Variants in ADGRE3 observed in about 807,000 individuals in gnomAD.
ADGRE3 encodes the protein EGF-like module receptor 3.
A neutral mutation model predicts 80.1 loss-of-function variants in ADGRE3; 88 were observed. The observed-to-expected ratio is 1.10, with a 90% CI of 0.93 to 1.31. ADGRE3 has a LOEUF of 1.31. ADGRE3 is among the 40% of genes most tolerant of loss of function. ADGRE3 has a pLI of 0.00. For synonymous variants in ADGRE3, 281 were observed against 294.8 expected, an observed-to-expected ratio of 0.95 and a Z score of 0.48; for missense variants, 715 against 776.5, an observed-to-expected ratio of 0.92 and a Z score of 0.94.
At chr19:14,646,558 T>TC in intron 8 of ADGRE3, among the ~76,000 whole-genome samples, 1 of 151,416 alleles carries the variant, frequency 6.6e-6, no homozygotes, top group East Asian at 1.9e-4. Flanking sequence ...TTTTTTTTTT[T>TC]TTTTTGCATT....
intron 15 of ADGRE3, among the ~76,000 whole-genome samples, chr19:14,620,568 ATTTTTTT>A (rs1189295641): frequency 0.069 from 758 of 11,006 alleles, 130 homozygotes; most frequent in Non-Finnish European, 0.087. Context: ...ATATATATAT[ATTTTTTT>A]TTTTTTTTTT....
rs373674713 is a variant in ADGRE3 at position 14,621,456 on chromosome 19, GA to G, written c.1921-1986del. On this transcript the variant is annotated intron_variant, in intron 15 of 15. Transcript: ENST00000253673. The stretch of plus-strand genomic sequence containing the variant: ...GGTGATAGAGTGAGACTCTGTCTCA[GA>G]AAAAAAAAAAAGTGAAAAGAAAAGA... Among the ~76,000 whole-genome samples the G allele has an allele frequency of 4.6e-3, 639 of 138,980 alleles. 8 individuals carry two copies. Among genetic ancestry groups the G allele is most frequent in the African/African-American group, 0.016 (586 of 37,182 alleles). 91.2% of individuals were successfully genotyped at this position (138,980 alleles called of 152,430 possible). A position where few individuals can be genotyped will look rare whatever the true frequency, so the allele number is the denominator to read the frequency against.
intron 7 of ADGRE3, 47 bp from the exon 8 acceptor site, chr19:14,647,412 T>A: frequency 9.9e-5 from 28 of 283,520 alleles, no homozygotes; most frequent in Non-Finnish European, 1.3e-4. Context: ...TTTTCTTTCT[T>A]TTTTTTTTTT....
intron 2 of ADGRE3, among the ~76,000 whole-genome samples, chr19:14,667,770 T>C (rs1972144211): frequency 6.6e-6 from 1 of 152,208 alleles, no homozygotes; most frequent in African/African-American, 2.4e-5. Flanking sequence ...ATGGCACATG[T>C]ATACCTATGT....
the ADGRE3 span, among the ~76,000 whole-genome samples, chr19:14,607,849 T>C: frequency 6.6e-6 from 1 of 151,112 alleles, no homozygotes; most frequent in Non-Finnish European, 1.5e-5. Context: ...GTGTTGGGAT[T>C]ACAGGGGTGA....
Position 14,620,548 on chromosome 19 carries a change from T to TATAATATATATA in ADGRE3, c.1921-1078_1921-1077insTATATATATTAT. 4.2e-3 allele frequency among the ~76,000 whole-genome samples: 104 copies of TATAATATATATA among 24,914 alleles called. 1 individual carries two copies. Among genetic ancestry groups the TATAATATATATA allele is most frequent in the South Asian group, 5.0e-3 (3 of 604 alleles). The allele number at this position is 24,914 out of a possible 152,430, so 16.3% of individuals were successfully genotyped here. A position where few individuals can be genotyped will look rare whatever the true frequency, so the allele number is the denominator to read the frequency against. ...TGAATATATATATTTTATATATATA[T>TATAATATATATA]TATATATATATATATATATATTTTT... On this transcript the variant is annotated intron_variant, in intron 15 of 15. Transcript: ENST00000253673.
chr19:14,658,997 G>A (rs990621870), intron 4 of ADGRE3, among the ~76,000 whole-genome samples: 1 of 149,824 alleles, frequency 6.7e-6, no homozygotes, highest in African/African-American at 2.5e-5. Context: ...CCTCCCAAAG[G>A]GCTGGGATTA....
At chr19:14,654,545 G>A (rs74778001) in intron 6 of ADGRE3, among the ~76,000 whole-genome samples, 1 of 152,092 alleles carries the variant, frequency 6.6e-6, no homozygotes, top group African/African-American at 2.4e-5. Flanking sequence ...GAATACAGTC[G>A]TGAGCCATCA....
downstream of ADGRE3, among the ~76,000 whole-genome samples, chr19:14,615,202 C>CTTTT (rs34167082): frequency 0.02 from 1,316 of 65,642 alleles, 29 homozygotes; most frequent in East Asian, 0.033. Context: ...CAGCTGCCTT[C>CTTTT]TTTTTTTTTT....
At chr19:14,656,019 G>T (rs1394036955) in intron 5 of ADGRE3, among the ~76,000 whole-genome samples, 1 of 151,898 alleles carries the variant, frequency 6.6e-6, no homozygotes, top group Non-Finnish European at 1.5e-5. Context: ...CACGAGGAGT[G>T]AGTTTAGGAG....
chr19:14,614,011 T>G, the ADGRE3 span, among the ~76,000 whole-genome samples: 2 of 151,162 alleles, frequency 1.3e-5, no homozygotes, highest in Non-Finnish European at 3.0e-5. Flanking sequence ...AAGAGATGGG[T>G]TCTCAGGACG....
rs1568480868 is a variant in ADGRE3 at position 14,636,008 on chromosome 19, T to TTC, written c.1484+2096_1484+2097insGA. ...GCTCTCCTTTCTCTCTCTTTCTCTTTCTTTCTTCCTTCCTTCCTTCCTTCC... is the reference window on the plus strand; with the variant it reads ...GCTCTCCTTTCTCTCTCTTTCTCTTTTCCTTTCTTCCTTCCTTCCTTCCTTCC... On this transcript the variant is annotated intron_variant, in intron 11 of 15. Coordinates refer to ENST00000253673, the MANE Select transcript of ADGRE3 (RefSeq NM_032571.5). Among the ~76,000 whole-genome samples, 68 of 76,064 alleles carry TTC rather than the reference T, an allele frequency of 8.9e-4. 2 individuals carry two copies. Among genetic ancestry groups the TTC allele is most frequent in the African/African-American group, 9.6e-4 (17 of 17,796 alleles). The allele number at this position is 76,064 out of a possible 152,430, so 49.9% of individuals were successfully genotyped here.
At chr19:14,620,549 TATATATATATATA>T (rs1970557183) in intron 15 of ADGRE3, among the ~76,000 whole-genome samples, 2 of 2,550 alleles carry the variant, frequency 7.8e-4, no homozygotes, top group Non-Finnish European at 1.3e-3. Flanking sequence ...ATATATATAT[TATATATATATATA>T]TATATATTTT....
the ADGRE3 span, chr19:14,611,001 T>A: frequency 1.6e-5 from 1 of 62,460 alleles, no homozygotes; most frequent in Non-Finnish European, 4.2e-5. Context: ...CATCTTTTCC[T>A]TTTTTTTTTT....
chr19:14,615,944 A>G (rs1015128312), downstream of ADGRE3, among the ~76,000 whole-genome samples: 10 of 148,040 alleles, frequency 6.8e-5, no homozygotes, highest in African/African-American at 2.2e-4. Flanking sequence ...CTTTTAACAC[A>G]TCTTGTTCTT....
chr19:14,618,834 G>A (rs915197421), downstream of ADGRE3, among the ~76,000 whole-genome samples: 4 of 75,766 alleles, frequency 5.3e-5, no homozygotes, highest in South Asian at 5.1e-4. Flanking sequence ...CAACAAGAGC[G>A]AAACTCCATC....
In ADGRE3 at chr19:14,668,806, G is replaced by T. The variant is rs1972174847; in HGVS notation, c.72C>A (p.Thr24=). Reference sequence around the variant, plus strand: ...GTTCTGGCTCTGAGCACTCACTTTTGGTTTTCTGAGTCACAGCTCCAAAGA... The same window carrying T: ...GTTCTGGCTCTGAGCACTCACTTTTTGTTTTCTGAGTCACAGCTCCAAAGA... ...LSLFGAVTQK[T]KTSCAKCPPN... Residue 24 remains threonine (T), a synonymous_variant, in exon 2 of 16, where the codon ACC becomes ACA. Transcript: ENST00000253673. The T allele has an allele frequency of 1.2e-6, 2 of 1,613,882 alleles. No homozygotes were observed. Among genetic ancestry groups the T allele is most frequent in the South Asian group, 1.1e-5 (1 of 91,066 alleles).
chr19:14,620,525 A>AAT (rs1196749565), intron 15 of ADGRE3, among the ~76,000 whole-genome samples: 2,772 of 29,164 alleles, frequency 0.095, 309 homozygotes, highest in African/African-American at 0.18. Flanking sequence ...ACTATATATG[A>AAT]ATATATATAT....
At position 14,638,256 on chromosome 19, in the gene ADGRE3, A is replaced by G; in HGVS notation, c.1333T>C (p.Phe445Leu). ...ACTGTCAGGTTCCGTGCAGTGAGGA[A>G]GAGGTGCACACCCTCCAGCAGCATC... ...TWMLLEGVHL[F>L]LTARNLTVVN... is the part of the protein sequence containing the mutation. Residue 445 changes from phenylalanine to leucine, a missense_variant, in exon 11 of 16, where the codon TTC (phenylalanine) becomes CTC (leucine). Coordinates refer to ENST00000253673, the MANE Select transcript of ADGRE3 (RefSeq NM_032571.5). 1 of 1,614,134 alleles carries G rather than the reference A, an allele frequency of 6.2e-7. No individual in the cohort carries two copies.
Sources: allele counts gnomAD v4.1 joint callset (sites outside exome capture counted in the v4.1 genomes callset), GRCh38; gene constraint gnomAD v4.1.1; transcripts MANE v1.5; gene names NCBI Gene and HGNC (gene_info 2026-07-23, HGNC 2026-07-21).